MRTFB: variants seen among roughly 807,000 people sequenced by gnomAD.
MRTFB encodes the protein myocardin-related transcription factor B.
MRTFB carries 29 observed loss-of-function variants against 104.2 expected under a neutral mutation model. The ratio of observed to expected loss-of-function variants is 0.28; its 90% CI spans 0.21 to 0.38. The LOEUF is 0.38. Ranked by LOEUF, MRTFB falls within the 10% of genes least tolerant of loss-of-function variation. The pLI is 1.00. For synonymous variants in MRTFB, 535 were observed against 519.5 expected, an observed-to-expected ratio of 1.03 and a Z score of -0.41; for missense variants, 1,270 against 1,341.6, an observed-to-expected ratio of 0.95 and a Z score of 0.83.
chr16:14,063,863 A>G, the MRTFB span, among the ~76,000 whole-genome samples: 5 of 152,224 alleles, frequency 3.3e-5, no homozygotes, highest in South Asian at 6.2e-4. Context: ...CATTTTCTGT[A>G]TCCAGTATAC....
chr16:14,117,741 G>A (rs2036615275), intron 2 of MRTFB, among the ~76,000 whole-genome samples: 1 of 152,164 alleles, frequency 6.6e-6, no homozygotes, highest in Non-Finnish European at 1.5e-5. Flanking sequence ...TTGGTTTTGG[G>A]AGTGAGATGG....
intron 6 of MRTFB, chr16:14,214,818 G>A (rs1411746684): frequency 6.6e-6 from 1 of 152,150 alleles, no homozygotes; most frequent in African/African-American, 2.4e-5. Flanking sequence ...ACCCCAAGTA[G>A]GGGCTCTTCT....
chr16:14,129,585 T>C (rs2037335323), intron 2 of MRTFB, among the ~76,000 whole-genome samples: 1 of 152,192 alleles, frequency 6.6e-6, no homozygotes, highest in Non-Finnish European at 1.5e-5. Flanking sequence ...CTGGATCATA[T>C]GGTAAAATTA....
chr16:14,224,976 C>T (rs993399518), intron 8 of MRTFB, among the ~76,000 whole-genome samples: 7 of 152,140 alleles, frequency 4.6e-5, no homozygotes, highest in African/African-American at 1.2e-4. Flanking sequence ...CACCTGAGGT[C>T]GGGAGTTCAA....
the MRTFB span, among the ~76,000 whole-genome samples, chr16:14,022,959 G>A: frequency 1.3e-5 from 2 of 150,380 alleles, no homozygotes; most frequent in African/African-American, 2.4e-5. Context: ...GCCTCCCAAA[G>A]TGCTGAGATT....
chr16:14,003,640 G>GCCTC, the MRTFB span, among the ~76,000 whole-genome samples: 30 of 146,792 alleles, frequency 2.0e-4, no homozygotes, highest in East Asian at 3.8e-3. Context: ...CTGCCTGCCT[G>GCCTC]CCTCCCTCCC....
At chr16:14,022,910 T>C in the MRTFB span, among the ~76,000 whole-genome samples, 9 of 152,214 alleles carry the variant, frequency 5.9e-5, no homozygotes, top group African/African-American at 2.2e-4. Flanking sequence ...TTGACCAGGC[T>C]GGTCTCAAAC....
At chr16:14,140,309 T>C (rs993904538) in intron 2 of MRTFB, among the ~76,000 whole-genome samples, 4 of 152,222 alleles carry the variant, frequency 2.6e-5, no homozygotes, top group Non-Finnish European at 5.9e-5. Flanking sequence ...TCTGTGGTAT[T>C]AAAAAATATA....
intron 3 of MRTFB, among the ~76,000 whole-genome samples, chr16:14,193,416 C>T (rs2040283340): frequency 6.6e-6 from 1 of 151,964 alleles, no homozygotes; most frequent in Non-Finnish European, 1.5e-5. Flanking sequence ...GAATGCCTCC[C>T]CTCCCCAGCC....
chr16:14,209,762 C>T (rs2041113598), intron 3 of MRTFB, among the ~76,000 whole-genome samples: 1 of 152,034 alleles, frequency 6.6e-6, no homozygotes, highest in Non-Finnish European at 1.5e-5. Flanking sequence ...CCCTTTGAGT[C>T]ATTAGGAATA....
At chr16:14,053,695 A>C in the MRTFB span, among the ~76,000 whole-genome samples, 2 of 150,338 alleles carry the variant, frequency 1.3e-5, no homozygotes, top group Non-Finnish European at 3.0e-5. Flanking sequence ...GCACCACTGC[A>C]CTCCAGCCTG....
intron 3 of MRTFB, chr16:14,143,952 G>A (rs1325177240): frequency 6.6e-6 from 1 of 152,150 alleles, no homozygotes; most frequent in Non-Finnish European, 1.5e-5. Context: ...TGTTACTAGT[G>A]TTCTTTCTGA....
intron 3 of MRTFB, among the ~76,000 whole-genome samples, chr16:14,155,116 CTG>C (rs1044747493): frequency 7.2e-5 from 11 of 152,064 alleles, no homozygotes; most frequent in Non-Finnish European, 1.6e-4. Flanking sequence ...CTTATGTGTT[CTG>C]TCTCACTTCA....
chr16:14,190,322 T>C (rs1029449093), intron 3 of MRTFB, among the ~76,000 whole-genome samples: 3 of 152,194 alleles, frequency 2.0e-5, no homozygotes, highest in African/African-American at 7.2e-5. Context: ...CATTCTCTGA[T>C]TACACTCAAC....
chr16:14,104,769 G>A lies in MRTFB; in HGVS notation c.-64+25415G>A, dbSNP rs143065019. Among the ~76,000 whole-genome samples, 45 of 152,342 alleles carry A rather than the reference G, an allele frequency of 3.0e-4. No homozygotes were observed. In the East Asian group the frequency reaches 7.9e-3, roughly 27 times the overall value. On this transcript the variant is annotated intron_variant, in intron 2 of 16. Transcript: ENST00000571589. ...TTTAGGATTTACTTAATGCAGGGAT[G>A]TAGGCACCGCAGTCCATTTTCACGG...
chr16:14,177,022 G>C lies in MRTFB; in HGVS notation c.155-33221G>C, dbSNP rs1296514484. Among the ~76,000 whole-genome samples, 1 of 152,202 alleles carries C rather than the reference G, an allele frequency of 6.6e-6. No homozygotes were observed. Among genetic ancestry groups the C allele is most frequent in the African/African-American group, 2.4e-5 (1 of 41,460 alleles). Reference sequence around the variant, plus strand: ...TGAAGATTGTTTAAGTACAGTTTCCGTGGGCAGAGATAGGGAATAGGGAAA... The same window carrying C: ...TGAAGATTGTTTAAGTACAGTTTCCCTGGGCAGAGATAGGGAATAGGGAAA... On this transcript the variant is annotated intron_variant, in intron 3 of 16. Transcript: ENST00000571589. The surrounding 1 kb of genome is among the most constrained non-coding windows in gnomAD (Gnocchi z 4.7).
intron 3 of MRTFB, among the ~76,000 whole-genome samples, chr16:14,197,017 T>C (rs546960628): frequency 1.4e-3 from 194 of 141,976 alleles, no homozygotes; most frequent in African/African-American, 4.7e-3. Context: ...TTGCCCAGAC[T>C]GGAGTGCAGT....
chr16:14,132,471 G>T (rs2037489610), intron 2 of MRTFB, among the ~76,000 whole-genome samples: 1 of 152,180 alleles, frequency 6.6e-6, no homozygotes, highest in South Asian at 2.1e-4. Context: ...ATGATCTCAT[G>T]TTTAACTAAT....
intron 2 of MRTFB, among the ~76,000 whole-genome samples, chr16:14,116,046 A>G (rs2036525145): frequency 6.6e-6 from 1 of 152,102 alleles, no homozygotes; most frequent in South Asian, 2.1e-4. Flanking sequence ...TTCTTTGTAA[A>G]TCCTTTCATT....
Sources: gnomAD v4.1 joint callset for allele counts (sites outside exome capture counted in the v4.1 genomes callset) on GRCh38, gnomAD v4.1.1 for gene constraint, Gnocchi (gnomAD v3.1) non-coding constraint, MANE v1.5 for transcripts, NCBI Gene and HGNC (gene_info 2026-07-23, HGNC 2026-07-21) for gene names.